The following EGFL8 variants were observed in gnomAD, a reference collection of about 807,000 sequenced individuals.
EGFL8 encodes epidermal growth factor-like protein 8.
In EGFL8, 32 loss-of-function variants were observed where a neutral mutation model predicts 39.4. The observed-to-expected ratio is 0.81, with a 90% CI of 0.61 to 1.09. The LOEUF (loss-of-function observed/expected upper bound fraction) is 1.09. Ranked by LOEUF, EGFL8 falls within the 50% of genes least tolerant of loss-of-function variation. The pLI, the probability that EGFL8 is intolerant of heterozygous loss-of-function variation, is 0.00. For missense variants in EGFL8, 385 were observed against 402.2 expected (o/e 0.96, Z 0.37); for synonymous variants, 177 against 168.5 (o/e 1.05, Z -0.39).
At position 32,167,911 on chromosome 6, in the gene EGFL8, C is replaced by A. The variant is rs1466604891; in HGVS notation, c.837C>A (p.Cys279Ter). 6.2e-7 allele frequency: 1 copy of A among 1,614,080 alleles called. No homozygotes were observed. Among genetic ancestry groups the A allele is most frequent in the Admixed American group, 1.7e-5 (1 of 60,014 alleles). The change falls in exon 9 of 9, where the codon TGC (cysteine) becomes TGA (stop). Residue 279 changes from cysteine to a stop codon, truncating the protein, a stop_gained and splice_region_variant. Transcript: ENST00000333845. LOFTEE classifies it high-confidence loss of function. This position sits in a 1 kb window ranked among gnomAD's most constrained non-coding sequence, Gnocchi z 6.4. ...VLLLEERLGA[C>*]SCEDNSLGLG... The stretch of plus-strand genomic sequence containing the variant: ...TGTGTCTGCCATGTCATTAACCAGG[C>A]TCCTGTGAGGACAACAGCCTGGGCC...
Position 32,168,252 on chromosome 6 carries a change from A to C in EGFL8, c.*296A>C, listed in dbSNP as rs1802036. On this transcript the variant is annotated 3_prime_UTR_variant, in exon 9 of 9. Coordinates refer to ENST00000333845, the MANE Select transcript of EGFL8 (RefSeq NM_030652.4). This position sits in a 1 kb window ranked among gnomAD's most constrained non-coding sequence, Gnocchi z 4.5. ...ATTTTCAGTTTTTTTGCTGTTATCCAGATAATTAATAAAAACCAACCACGC... is the reference window on the plus strand; with the variant it reads ...ATTTTCAGTTTTTTTGCTGTTATCCCGATAATTAATAAAAACCAACCACGC... The C allele has an allele frequency of 9.2e-5, 39 of 424,472 alleles. No individual in the cohort carries two copies. The highest frequency in any genetic ancestry group is 3.0e-5 in the Non-Finnish European group (7 of 236,752). The allele number at this position is 424,472 out of a possible 1,614,324, so 26.3% of individuals were successfully genotyped here. A position where few individuals can be genotyped will look rare whatever the true frequency, so the allele number is the denominator to read the frequency against.
At position 32,167,156 on chromosome 6, in the gene EGFL8, C is replaced by A; in HGVS notation, c.500C>A (p.Thr167Asn). The change falls in exon 6 of 9, where the codon ACC becomes AAC. Residue 167 changes from threonine (T) to asparagine (N), a missense_variant. By Grantham distance (65) the Thr-to-Asn change is moderately conservative. Transcript: ENST00000333845. The surrounding 1 kb of genome is among the most constrained non-coding windows in gnomAD (Gnocchi z 6.4). ...HHCFNTAGSFTCGCPHDLVLG... is the reference protein window; with the variant it reads ...HHCFNTAGSFNCGCPHDLVLG... ...TGTTTTAATACGGCAGGCAGCTTCA[C>A]CTGCGGCTGCCCCCATGACCTAGTG... The A allele has an allele frequency of 6.2e-7, 1 of 1,613,080 alleles. No individual in the cohort carries two copies. Among genetic ancestry groups the A allele is most frequent in the Non-Finnish European group, 8.5e-7 (1 of 1,180,044 alleles).
rs1184303311 is a variant in EGFL8, at chr6:32,167,374, G to A, written c.626G>A (p.Arg209His). 1.3e-5 allele frequency: 21 copies of A among 1,613,032 alleles called. No homozygotes were observed. Among genetic ancestry groups the A allele is most frequent in the African/African-American group, 2.7e-5 (2 of 75,068 alleles). ...VAVREAEKDE[R>H]ALKQEIHELR... ...GTTCGGGAGGCGGAAAAAGATGAGCGCGCTCTGAAGCAGGAGATTCACGAG... is the reference window on the plus strand; with the variant it reads ...GTTCGGGAGGCGGAAAAAGATGAGCACGCTCTGAAGCAGGAGATTCACGAG... Residue 209 changes from arginine to histidine, a missense_variant, in exon 7 of 9, where the codon CGC becomes CAC. By Grantham distance (29) the Arg-to-His change is conservative (BLOSUM62 0). Transcript: ENST00000333845. This position sits in a 1 kb window ranked among gnomAD's most constrained non-coding sequence, Gnocchi z 6.4.
intron 1 of EGFL8, among the ~76,000 whole-genome samples, chr6:32,165,014 G>A (rs1259792728): frequency 6.6e-6 from 1 of 151,742 alleles, no homozygotes; most frequent in African/African-American, 2.4e-5. Context: ...AGGGTTCAAG[G>A]GATTCTCCTG....
Position 32,166,402 on chromosome 6 carries a change from G to C in EGFL8, c.102-96G>C, listed in dbSNP as rs555877656. ...AGGCTGTCATCTGGAGGGAGAGCGG[G>C]GGGCCTCAGTAGCCTCTTGAGGGAA... On this transcript the variant is annotated intron_variant, in intron 2 of 8. Coordinates refer to ENST00000333845, the MANE Select transcript of EGFL8 (RefSeq NM_030652.4). This position sits in a 1 kb window ranked among gnomAD's most constrained non-coding sequence, Gnocchi z 7.3. The C allele has an allele frequency of 2.7e-4, 436 of 1,597,868 alleles. 4 individuals carry two copies. In the East Asian group the frequency reaches 8.5e-3, roughly 31 times the overall value.
At position 32,167,881 on chromosome 6, in the gene EGFL8, G is replaced by A. The variant is rs1477366518; in HGVS notation, c.836-29G>A. ...TGTAGTCCACTCCAGGCTGACCACA[G>A]CCACTGTGTCTGCCATGTCATTAAC... On this transcript the variant is annotated intron_variant, in intron 8 of 8. Transcript: ENST00000333845. The surrounding 1 kb of genome is among the most constrained non-coding windows in gnomAD (Gnocchi z 6.4). 2.5e-6 allele frequency: 4 copies of A among 1,612,596 alleles called. No individual in the cohort carries two copies. The South Asian group carries it at 4.4e-5, about 18-fold the overall frequency.
intron 1 of EGFL8, 142 bp from the exon 2 acceptor site, chr6:32,165,996 T>G: frequency 1.5e-6 from 1 of 673,088 alleles, no homozygotes. Context: ...CACACAGGTG[T>G]AGGCAATCCT....
chr6:32,168,055 C>A lies in EGFL8; in HGVS notation c.*99C>A. ...TGTGAGCTGCAGATAAGGCTATCAG[C>A]CACCAAAGAGCAATGAACAATGGAA... On this transcript the variant is annotated 3_prime_UTR_variant, in exon 9 of 9. Transcript: ENST00000333845. This position sits in a 1 kb window ranked among gnomAD's most constrained non-coding sequence, Gnocchi z 4.5. 8.1e-7 allele frequency: 1 copy of A among 1,238,670 alleles called. No homozygotes were observed. Among genetic ancestry groups the A allele is most frequent in the Non-Finnish European group, 1.2e-6 (1 of 844,462 alleles). 76.7% of individuals were successfully genotyped at this position (1,238,670 alleles called of 1,614,324 possible).
Position 32,166,984 on chromosome 6 carries a change from G to C in EGFL8, c.409G>C (p.Gly137Arg). Reference sequence around the variant, plus strand: ...CCAGTGCGAGTGCGCCCCCGGCTGGGGAGGGAAGCACTGTCATGTGGGTGA... The same window carrying C: ...CCAGTGCGAGTGCGCCCCCGGCTGGCGAGGGAAGCACTGTCATGTGGGTGA... ...PDQCECAPGWGGKHCHVDVDE... is the reference protein window; with the variant it reads ...PDQCECAPGWRGKHCHVDVDE... Residue 137 changes from glycine (G) to arginine (R), a missense_variant, in exon 5 of 9, where the codon GGA (glycine) becomes CGA (arginine). Transcript: ENST00000333845. This position sits in a 1 kb window ranked among gnomAD's most constrained non-coding sequence, Gnocchi z 7.3. The C allele has an allele frequency of 6.2e-7, 1 of 1,613,110 alleles. No individual in the cohort carries two copies. The highest frequency in any genetic ancestry group is 8.5e-7 in the Non-Finnish European group (1 of 1,179,996).
chr6:32,165,036 C>T (rs1167819691), intron 1 of EGFL8, among the ~76,000 whole-genome samples: 4 of 151,754 alleles, frequency 2.6e-5, no homozygotes, highest in Non-Finnish European at 1.5e-5. Flanking sequence ...CTCAGCTTCC[C>T]GAGTAGCTGG....
At position 32,164,741 on chromosome 6, in the gene EGFL8, G is replaced by T. The variant is rs1435757202; in HGVS notation, c.-29+84G>T. ...TGGGGTTTACTCAGAGCCTTAGGGT[G>T]GGCATGAGTTGCGGGGTGTTTTGTT... is the stretch of plus-strand genomic sequence containing the variant. On this transcript the variant is annotated intron_variant, in intron 1 of 8. Transcript: ENST00000333845. This position sits in a 1 kb window ranked among gnomAD's most constrained non-coding sequence, Gnocchi z 5.4. The T allele has an allele frequency of 1.5e-6, 1 of 684,162 alleles. No homozygotes were observed. The allele number at this position is 684,162 out of a possible 1,614,324, so 42.4% of individuals were successfully genotyped here. A position where few individuals can be genotyped will look rare whatever the true frequency, so the allele number is the denominator to read the frequency against.
At chr6:32,165,875 G>A (rs143675211) in intron 1 of EGFL8, 801 of 542,058 alleles carry the variant, frequency 1.5e-3, no homozygotes, top group Middle Eastern at 2.9e-3. Context: ...GTGCAGAGGG[G>A]ATTAGAAGTA....
Position 32,166,369 on chromosome 6 carries a change from G to A in EGFL8, c.101+103G>A. The A allele has an allele frequency of 6.4e-7, 1 of 1,567,618 alleles. No individual in the cohort carries two copies. The highest frequency in any genetic ancestry group is 8.7e-7 in the Non-Finnish European group (1 of 1,148,514). Reference sequence around the variant, plus strand: ...AAAACATAACTGTAAGTTTAGAATGGGGGTGAGAGGCTGTCATCTGGAGGG... The same window carrying A: ...AAAACATAACTGTAAGTTTAGAATGAGGGTGAGAGGCTGTCATCTGGAGGG... On this transcript the variant is annotated intron_variant, in intron 2 of 8. Coordinates refer to ENST00000333845, the MANE Select transcript of EGFL8 (RefSeq NM_030652.4). The surrounding 1 kb of genome is among the most constrained non-coding windows in gnomAD (Gnocchi z 7.3).
chr6:32,167,684 A>G lies in EGFL8; in HGVS notation c.835+28A>G. 1 of 1,580,794 alleles carries G rather than the reference A, an allele frequency of 6.3e-7. No individual in the cohort carries two copies. The highest frequency in any genetic ancestry group is 8.6e-7 in the Non-Finnish European group (1 of 1,162,296). ...GAGTCCTCACACTCCTCCCGCCTTG[A>G]CTTCTATTCCCCAACTTTCCCCAAG... On this transcript the variant is annotated intron_variant, in intron 8 of 8. Transcript: ENST00000333845. The surrounding 1 kb of genome is among the most constrained non-coding windows in gnomAD (Gnocchi z 6.4).
At position 32,168,079 on chromosome 6, in the gene EGFL8, A is replaced by T. The variant is rs542859605; in HGVS notation, c.*123A>T. The stretch of plus-strand genomic sequence containing the variant: ...GCCACCAAAGAGCAATGAACAATGG[A>T]AACTTCAGAGAGCTGAAGAAAGGGG... On this transcript the variant is annotated 3_prime_UTR_variant, in exon 9 of 9. Transcript: ENST00000333845. This position sits in a 1 kb window ranked among gnomAD's most constrained non-coding sequence, Gnocchi z 4.5. 3.7e-5 allele frequency: 39 copies of T among 1,054,354 alleles called. No individual in the cohort carries two copies. The highest frequency in any genetic ancestry group is 5.9e-5 in the Admixed American group (3 of 51,166). The allele number at this position is 1,054,354 out of a possible 1,614,324, so 65.3% of individuals were successfully genotyped here.
chr6:32,166,288 C>A lies in EGFL8; in HGVS notation c.101+22C>A. Reference sequence around the variant, plus strand: ...AGAGGTGACAACAGAGGGGGTAGGGCCCGGGGTGAGCTCTTCTCAGGAGCC... The same window carrying A: ...AGAGGTGACAACAGAGGGGGTAGGGACCGGGGTGAGCTCTTCTCAGGAGCC... On this transcript the variant is annotated intron_variant, in intron 2 of 8. Transcript: ENST00000333845. The surrounding 1 kb of genome is among the most constrained non-coding windows in gnomAD (Gnocchi z 7.3). 1.9e-6 allele frequency: 3 copies of A among 1,612,196 alleles called. No individual in the cohort carries two copies. Among genetic ancestry groups the A allele is most frequent in the Non-Finnish European group, 1.7e-6 (2 of 1,178,700 alleles).
Position 32,166,371 on chromosome 6 carries a change from G to A in EGFL8, c.101+105G>A. On this transcript the variant is annotated intron_variant, in intron 2 of 8. Transcript: ENST00000333845. This position sits in a 1 kb window ranked among gnomAD's most constrained non-coding sequence, Gnocchi z 7.3. ...AACATAACTGTAAGTTTAGAATGGG[G>A]GTGAGAGGCTGTCATCTGGAGGGAG... The A allele has an allele frequency of 6.4e-7, 1 of 1,566,914 alleles. No homozygotes were observed. The highest frequency in any genetic ancestry group is 1.1e-5 in the South Asian group (1 of 87,528).
In EGFL8 at chr6:32,166,523, C is replaced by G. The variant is rs375116850; in HGVS notation, c.127C>G (p.Leu43Val). 1 of 1,613,866 alleles carries G rather than the reference C, an allele frequency of 6.2e-7. No homozygotes were observed. The highest frequency in any genetic ancestry group is 8.5e-7 in the Non-Finnish European group (1 of 1,180,028). The change falls in exon 3 of 9, where the codon CTG becomes GTG. Residue 43 changes from leucine (L) to valine (V), a missense_variant. Leu to Val is a conservative substitution (Grantham distance 32, BLOSUM62 1). Transcript: ENST00000333845. This position sits in a 1 kb window ranked among gnomAD's most constrained non-coding sequence, Gnocchi z 7.3. ...ESQGVCSKQT[L>V]VVPLHYNESY... ...TCAGGGAGTCTGCTCCAAGCAGACA[C>G]TGGTGGTCCCGCTCCACTACAACGA...
rs1479340938 is a variant in EGFL8, at chr6:32,167,963, T to G, written c.*7T>G. 1 of 1,614,116 alleles carries G rather than the reference T, an allele frequency of 6.2e-7. No homozygotes were observed. On this transcript the variant is annotated 3_prime_UTR_variant, in exon 9 of 9. Transcript: ENST00000333845. The surrounding 1 kb of genome is among the most constrained non-coding windows in gnomAD (Gnocchi z 6.4). The stretch of plus-strand genomic sequence containing the variant: ...CGGCGTCAATCATCGATAAGAAGCC[T>G]CTACAGCACCCCTGCCCCCTAATTT...
Sources: gnomAD v4.1 joint callset for allele counts (sites outside exome capture counted in the v4.1 genomes callset) on GRCh38, gnomAD v4.1.1 for gene constraint, Gnocchi (gnomAD v3.1) non-coding constraint, MANE v1.5 for transcripts, NCBI Gene and HGNC (gene_info 2026-07-23, HGNC 2026-07-21) for gene names.